Variants in KLHL1 observed in about 807,000 individuals in gnomAD.
KLHL1 encodes the protein kelch-like protein 1.
KLHL1 carries 47 observed loss-of-function variants against 77.7 expected under a neutral mutation model. That is an observed-to-expected ratio of 0.60 (90% confidence interval 0.48 to 0.77). KLHL1 has a LOEUF of 0.77. KLHL1 is among the 30% of genes least tolerant of loss of function. KLHL1 has a pLI of 0.00. For synonymous variants in KLHL1, 360 were observed against 325.2 expected (o/e 1.11, Z -1.15); for missense variants, 925 against 910.8 (o/e 1.02, Z -0.20).
intron 1 of KLHL1, among the ~76,000 whole-genome samples, chr13:70,096,650 T>TA (rs1887796851): frequency 6.6e-6 from 1 of 151,564 alleles, no homozygotes; most frequent in Non-Finnish European, 1.5e-5. Flanking sequence ...TTAGCTGTTT[T>TA]TTTTTTAAAG....
At chr13:69,813,503 C>CACACACACACACAT (rs34163072) in intron 6 of KLHL1, among the ~76,000 whole-genome samples, 2 of 148,840 alleles carry the variant, frequency 1.3e-5, no homozygotes, top group African/African-American at 5.0e-5. Context: ...CACACACACA[C>CACACACACACACAT]ATATATATAT....
At chr13:69,749,017 G>A (rs1237032657) in intron 7 of KLHL1, among the ~76,000 whole-genome samples, 3 of 152,006 alleles carry the variant, frequency 2.0e-5, no homozygotes, top group African/African-American at 7.2e-5. Flanking sequence ...CACACTTTAT[G>A]CTTCCACATT....
At chr13:69,869,832 T>C (rs924116728) in intron 5 of KLHL1, among the ~76,000 whole-genome samples, 8 of 152,214 alleles carry the variant, frequency 5.3e-5, no homozygotes, top group African/African-American at 1.9e-4. Context: ...AGTTGTAAAC[T>C]AATTTTACAC....
chr13:69,863,538 G>A (rs1647152053), intron 5 of KLHL1, among the ~76,000 whole-genome samples: 1 of 151,648 alleles, frequency 6.6e-6, no homozygotes, highest in African/African-American at 2.4e-5. Flanking sequence ...GGTAAAACCT[G>A]GACTTCAGCT....
At chr13:69,746,115 C>T (rs974716690) in intron 7 of KLHL1, among the ~76,000 whole-genome samples, 16 of 151,342 alleles carry the variant, frequency 1.1e-4, no homozygotes, top group Admixed American at 2.0e-4. Context: ...CTATTTGTTT[C>T]ATCAATAAAT....
intron 1 of KLHL1, among the ~76,000 whole-genome samples, chr13:70,094,393 T>TATATATATATATATATATATATATATA (rs1887738580): frequency 7.3e-5 from 10 of 137,224 alleles, no homozygotes; most frequent in African/African-American, 1.9e-4. Flanking sequence ...GCAATCATCT[T>TATATATATATATATATATATATATATA]TATATATATA....
chr13:70,027,112 G>A (rs2137360313), intron 1 of KLHL1, among the ~76,000 whole-genome samples: 1 of 151,920 alleles, frequency 6.6e-6, no homozygotes, highest in South Asian at 2.1e-4. Context: ...AATACTAAAT[G>A]GAGAATGAGA....
At chr13:69,905,448 T>C (rs1036787813) in intron 4 of KLHL1, among the ~76,000 whole-genome samples, 1 of 152,114 alleles carries the variant, frequency 6.6e-6, no homozygotes, top group African/African-American at 2.4e-5. Flanking sequence ...GTTACTAATA[T>C]TGAAAAGTAA....
Position 70,078,048 on chromosome 13 carries a change from T to C in KLHL1, c.497+29155A>G, listed in dbSNP as rs1201278111. 2.0e-5 allele frequency among the ~76,000 whole-genome samples: 3 copies of C among 152,040 alleles called. No individual in the cohort carries two copies. In the East Asian group the frequency reaches 5.8e-4, roughly 29 times the overall value. On this transcript the variant is annotated intron_variant, in intron 1 of 10. Coordinates refer to ENST00000377844, the MANE Select transcript of KLHL1 (RefSeq NM_020866.3). Reference sequence around the variant, plus strand: ...TGTTCTCTACAGGTGCCTCTCTAAATGATCTTTTTTCTTTTTATTTTTTAT... The same window carrying C: ...TGTTCTCTACAGGTGCCTCTCTAAACGATCTTTTTTCTTTTTATTTTTTAT...
intron 7 of KLHL1, among the ~76,000 whole-genome samples, chr13:69,793,439 T>G (rs1379802206): frequency 6.6e-6 from 1 of 151,862 alleles, no homozygotes; most frequent in Admixed American, 6.6e-5. Context: ...TGAAACATTT[T>G]AAACCACGCA....
At chr13:70,094,408 T>TATATATATATATATATATATATATA (rs1181654185) in intron 1 of KLHL1, among the ~76,000 whole-genome samples, 4 of 150,732 alleles carry the variant, frequency 2.7e-5, no homozygotes, top group African/African-American at 9.9e-5. Flanking sequence ...TATATATATA[T>TATATATATATATATATATATATATA]ATGAATATAT....
At chr13:70,052,403 A>C (rs1186741042) in intron 1 of KLHL1, among the ~76,000 whole-genome samples, 2 of 151,946 alleles carry the variant, frequency 1.3e-5, no homozygotes, top group East Asian at 3.8e-4. Flanking sequence ...GAGCAAGTAT[A>C]TACCAAAGAA....
intron 7 of KLHL1, among the ~76,000 whole-genome samples, chr13:69,780,198 A>G (rs758128607): frequency 6.6e-6 from 1 of 152,192 alleles, no homozygotes; most frequent in Non-Finnish European, 1.5e-5. Flanking sequence ...GTATGTGGAT[A>G]CAAGCATGCA....
chr13:69,927,822 C>T (rs1003107799), intron 4 of KLHL1, among the ~76,000 whole-genome samples: 3 of 152,146 alleles, frequency 2.0e-5, no homozygotes, highest in African/African-American at 7.2e-5. Context: ...GGTTGGAAAA[C>T]AGTCTAGTAG....
intron 7 of KLHL1, among the ~76,000 whole-genome samples, chr13:69,755,395 T>A (rs929483055): frequency 6.6e-6 from 1 of 151,996 alleles, no homozygotes; most frequent in Non-Finnish European, 1.5e-5. Flanking sequence ...CATGAGCCAA[T>A]TAAACATCTT....
In KLHL1 at chr13:69,782,725, C is replaced by A. The variant is rs570144942; in HGVS notation, c.1639+14013G>T. ...GGCCTGCCTGCCTCTGTAGGCTCCA[C>A]CTCTGGGGGCAGGGCACAGACAAAC... On this transcript the variant is annotated intron_variant, in intron 7 of 10. Coordinates refer to ENST00000377844, the MANE Select transcript of KLHL1 (RefSeq NM_020866.3). Among the ~76,000 whole-genome samples the A allele has an allele frequency of 3.1e-3, 478 of 152,354 alleles. 1 individual carries two copies. Among genetic ancestry groups the A allele is most frequent in the Middle Eastern group, 0.01 (3 of 294 alleles).
chr13:70,055,824 CA>C (rs1057198006), intron 1 of KLHL1, among the ~76,000 whole-genome samples: 1 of 149,374 alleles, frequency 6.7e-6, no homozygotes, highest in Non-Finnish European at 1.5e-5. Context: ...CGCAAGTGCA[CA>C]AAAAAATAAA....
intron 3 of KLHL1, among the ~76,000 whole-genome samples, chr13:69,957,575 C>T (rs138064656): frequency 0.01 from 1,567 of 151,646 alleles, 27 homozygotes; most frequent in African/African-American, 0.035. Context: ...TAATATACAC[C>T]GTGACCCTCT....
chr13:69,951,553 G>T (rs149326975), intron 3 of KLHL1, among the ~76,000 whole-genome samples: 1 of 151,510 alleles, frequency 6.6e-6, no homozygotes, highest in South Asian at 2.1e-4. Context: ...AGTTTTAATA[G>T]TTTATCTCAC....
Sources: gnomAD v4.1 joint callset for allele counts (sites outside exome capture counted in the v4.1 genomes callset) on GRCh38, gnomAD v4.1.1 for gene constraint, MANE v1.5 for transcripts, NCBI Gene and HGNC (gene_info 2026-07-23, HGNC 2026-07-21) for gene names.